TBCA: variants seen among roughly 807,000 people sequenced by gnomAD.
TBCA encodes tubulin folding cofactor A, also known as tubulin-specific chaperone A.
In TBCA, 6 loss-of-function variants were observed where a neutral mutation model predicts 15.8. The ratio of observed to expected loss-of-function variants is 0.38; its 90% CI spans 0.21 to 0.75. The LOEUF (loss-of-function observed/expected upper bound fraction) is 0.75. TBCA is among the 30% of genes least tolerant of loss of function. The pLI, the probability that TBCA is intolerant of heterozygous loss-of-function variation, is 0.46. For missense variants in TBCA, 90 were observed against 131.2 expected (o/e 0.69, Z 1.53); for synonymous variants, 32 against 42.3 (o/e 0.76, Z 0.94).
Position 77,738,547 on chromosome 5 carries a change from T to C in TBCA, c.54-30200A>G, listed in dbSNP as rs146406002. On this transcript the variant is annotated intron_variant, in intron 1 of 3. Coordinates refer to ENST00000380377, the MANE Select transcript of TBCA (RefSeq NM_004607.3). ...GCCCACTAGGCTATGATTCTGCTTG[T>C]TGAACTAGTCAGTTTGAAAATAGAT... 5.9e-5 allele frequency among the ~76,000 whole-genome samples: 9 copies of C among 152,364 alleles called. No individual in the cohort carries two copies. In the East Asian group the frequency reaches 1.5e-3, roughly 26 times the overall value.
At chr5:77,711,625 G>C (rs1230885087) in intron 1 of TBCA, among the ~76,000 whole-genome samples, 3 of 152,192 alleles carry the variant, frequency 2.0e-5, no homozygotes, top group Middle Eastern at 6.8e-3. Flanking sequence ...TTCTGAAGCA[G>C]AAAAAAAGTG....
chr5:77,731,038 T>C (rs1374697582), intron 1 of TBCA, among the ~76,000 whole-genome samples: 1 of 152,210 alleles, frequency 6.6e-6, no homozygotes, highest in Non-Finnish European at 1.5e-5. Flanking sequence ...ATGTATGCCC[T>C]TGCCTGCAGA....
intron 2 of TBCA, among the ~76,000 whole-genome samples, chr5:77,696,612 A>G (rs561384149): frequency 1.2e-4 from 19 of 152,300 alleles, no homozygotes; most frequent in Non-Finnish European, 1.8e-4. Context: ...AATATATATA[A>G]TGTAAACATT....
At chr5:77,759,946 C>T (rs1368312009) in intron 1 of TBCA, among the ~76,000 whole-genome samples, 1 of 152,166 alleles carries the variant, frequency 6.6e-6, no homozygotes, top group Non-Finnish European at 1.5e-5. Flanking sequence ...TATTCTACCT[C>T]CTAAGAGCTA....
chr5:77,769,923 G>A (rs1310261958), intron 1 of TBCA, among the ~76,000 whole-genome samples: 2 of 152,112 alleles, frequency 1.3e-5, no homozygotes, highest in Non-Finnish European at 2.9e-5. Flanking sequence ...AACATTCTTT[G>A]TTCACATTGG....
intron 1 of TBCA, among the ~76,000 whole-genome samples, chr5:77,775,137 A>G (rs1452261301): frequency 2.0e-5 from 3 of 152,200 alleles, no homozygotes; most frequent in South Asian, 2.1e-4. Flanking sequence ...GACAAAGAAC[A>G]GAACTCAAAG....
At chr5:77,773,881 T>C (rs254420) in intron 1 of TBCA, among the ~76,000 whole-genome samples, 32,921 of 152,214 alleles carry the variant, frequency 0.22, 4,540 homozygotes, top group Non-Finnish European at 0.31. Context: ...TCTCTTGTAA[T>C]ACTTCATCAA....
intron 1 of TBCA, among the ~76,000 whole-genome samples, chr5:77,738,739 C>T (rs757284889): frequency 1.2e-4 from 18 of 152,134 alleles, no homozygotes; most frequent in Non-Finnish European, 2.2e-4. Context: ...TCTGCCACCA[C>T]GCCTGGCTAA....
At chr5:77,729,172 G>A (rs187903165) in intron 1 of TBCA, among the ~76,000 whole-genome samples, 2 of 152,064 alleles carry the variant, frequency 1.3e-5, no homozygotes, top group East Asian at 1.9e-4. Context: ...AAATTAGCTG[G>A]GCATGGTGGT....
intron 1 of TBCA, among the ~76,000 whole-genome samples, chr5:77,738,503 T>C (rs1393870346): frequency 6.6e-6 from 1 of 152,234 alleles, no homozygotes; most frequent in Non-Finnish European, 1.5e-5. Context: ...TCAGTAACAT[T>C]TAGTCATGCA....
intron 1 of TBCA, among the ~76,000 whole-genome samples, chr5:77,741,968 G>C (rs1280753095): frequency 6.6e-6 from 1 of 152,164 alleles, no homozygotes; most frequent in African/African-American, 2.4e-5. Flanking sequence ...TTCAAAGCAT[G>C]ATCCTTGATT....
At chr5:77,692,355 T>C in intron 3 of TBCA, 1 of 985,318 alleles carries the variant, frequency 1.0e-6, no homozygotes, top group Non-Finnish European at 1.2e-6. Context: ...ACATCTTTGT[T>C]CTCTGTTAGT....
intron 1 of TBCA, among the ~76,000 whole-genome samples, chr5:77,757,369 C>T (rs1420840021): frequency 6.6e-6 from 1 of 152,164 alleles, no homozygotes; most frequent in East Asian, 1.9e-4. Context: ...AGGAAAAAAA[C>T]TCAAGCTCGC....
At chr5:77,772,772 A>G (rs1437124264) in intron 1 of TBCA, among the ~76,000 whole-genome samples, 1 of 152,236 alleles carries the variant, frequency 6.6e-6, no homozygotes, top group Non-Finnish European at 1.5e-5. Context: ...GCAATTTGAG[A>G]TAATAGTAAA....
intron 1 of TBCA, among the ~76,000 whole-genome samples, chr5:77,737,350 C>T (rs971829709): frequency 7.2e-5 from 11 of 152,186 alleles, no homozygotes; most frequent in African/African-American, 2.2e-4. Context: ...TTCCAGCTAA[C>T]TTTGGCAAAC....
At chr5:77,765,230 C>A (rs1421513611) in intron 1 of TBCA, among the ~76,000 whole-genome samples, 2 of 152,204 alleles carry the variant, frequency 1.3e-5, no homozygotes, top group Non-Finnish European at 2.9e-5. Context: ...AAAAACTCCA[C>A]TGTACAATTG....
intron 1 of TBCA, among the ~76,000 whole-genome samples, chr5:77,724,412 C>T (rs1166524537): frequency 2.0e-5 from 3 of 152,000 alleles, no homozygotes; most frequent in Non-Finnish European, 2.9e-5. Flanking sequence ...ATATTTTACA[C>T]AACATAAGAT....
chr5:77,739,616 C>T (rs961242122), intron 1 of TBCA, among the ~76,000 whole-genome samples: 1 of 152,152 alleles, frequency 6.6e-6, no homozygotes, highest in Non-Finnish European at 1.5e-5. Context: ...ACTGTTCCTC[C>T]ATATAACAGC....
intron 1 of TBCA, chr5:77,715,256 T>C: frequency 1.4e-6 from 1 of 702,320 alleles, no homozygotes; most frequent in Non-Finnish European, 2.6e-6. Flanking sequence ...TCCAGCAAAT[T>C]GAAGACGAAA....
Sources: gnomAD v4.1 joint callset for allele counts (sites outside exome capture counted in the v4.1 genomes callset) on GRCh38, gnomAD v4.1.1 for gene constraint, MANE v1.5 for transcripts, NCBI Gene and HGNC (gene_info 2026-07-23, HGNC 2026-07-21) for gene names.